The following TICAM1 variants were observed in gnomAD, a reference collection of about 807,000 sequenced individuals.
TICAM1 encodes the protein TIR domain-containing adapter molecule 1.
For synonymous variants in TICAM1, 439 were observed against 415.4 expected (o/e 1.06, Z -0.69); for missense variants, 895 against 938.2 (o/e 0.95, Z 0.60).
In TICAM1 at chr19:4,816,844, G is replaced by A. The variant is rs765491561; in HGVS notation, c.1534C>T (p.Arg512Trp). 6 of 1,612,408 alleles carry A rather than the reference G, an allele frequency of 3.7e-6. No individual in the cohort carries two copies. Among genetic ancestry groups the A allele is most frequent in the Non-Finnish European group, 5.1e-6 (6 of 1,180,024 alleles). ...DTASLLSGLV[R>W]LDEHSQIFAR... The stretch of plus-strand genomic sequence containing the variant: ...AAGATCTGGGAGTGTTCGTCCAGCC[G>A]CACCAGCCCGGAGAGCAGGCTGGCC... Residue 512 changes from arginine to tryptophan, a missense_variant, in exon 2 of 2, where the codon CGG (arginine) becomes TGG (tryptophan). Arg to Trp is a moderately radical substitution (Grantham distance 101, BLOSUM62 -3). Transcript: ENST00000248244. The surrounding 1 kb of genome is among the most constrained non-coding windows in gnomAD (Gnocchi z 4.3).
At chr19:4,826,203 G>A (rs921972267) in intron 1 of TICAM1, among the ~76,000 whole-genome samples, 3 of 151,486 alleles carry the variant, frequency 2.0e-5, no homozygotes, top group East Asian at 1.9e-4. Context: ...TGCCTCATTC[G>A]TAATGGAACA....
chr19:4,824,614 C>G (rs1197073202), intron 1 of TICAM1, among the ~76,000 whole-genome samples: 1 of 144,226 alleles, frequency 6.9e-6, no homozygotes, highest in Non-Finnish European at 1.5e-5. Context: ...GGATTACAGG[C>G]GTGAGCCACC....
intron 1 of TICAM1, among the ~76,000 whole-genome samples, chr19:4,824,855 C>G (rs1428372788): frequency 6.6e-6 from 1 of 151,918 alleles, no homozygotes; most frequent in African/African-American, 2.4e-5. Context: ...ATCACCTGAA[C>G]CCAAGAAGTC....
rs1241108091 is a variant in TICAM1, at chr19:4,817,267, G to C, written c.1111C>G (p.Pro371Ala). The change falls in exon 2 of 2, where the codon CCT becomes GCT. Residue 371 changes from proline to alanine, a missense_variant. By Grantham distance (27) the Pro-to-Ala change is conservative. Coordinates refer to ENST00000248244, the MANE Select transcript of TICAM1 (RefSeq NM_182919.4). The surrounding 1 kb of genome is among the most constrained non-coding windows in gnomAD (Gnocchi z 4.7). ...PPPPPPPSST[P>A]CSAHLTPSSL... ...GAGGGGGTCAGGTGAGCTGAACAAG[G>C]AGTAGATGAAGGAGGAGGAGGAGGA... The C allele has an allele frequency of 3.7e-6, 6 of 1,608,070 alleles. No homozygotes were observed. The Admixed American group carries it at 8.4e-5, about 22-fold the overall frequency.
At chr19:4,825,559 G>A (rs2146178864) in intron 1 of TICAM1, among the ~76,000 whole-genome samples, 1 of 152,118 alleles carries the variant, frequency 6.6e-6, no homozygotes, top group South Asian at 2.1e-4. Context: ...AGGGTGCAGT[G>A]GCTCATGCCT....
intron 1 of TICAM1, among the ~76,000 whole-genome samples, chr19:4,824,034 A>T (rs575942066): frequency 2.0e-5 from 3 of 151,490 alleles, no homozygotes; most frequent in African/African-American, 7.3e-5. Flanking sequence ...TTTAGGATGA[A>T]GTCTTGCTCT....
At chr19:4,821,433 A>C (rs2093597290) in intron 1 of TICAM1, among the ~76,000 whole-genome samples, 1 of 152,132 alleles carries the variant, frequency 6.6e-6, no homozygotes, top group Non-Finnish European at 1.5e-5. Context: ...GGCTTACTAC[A>C]TGCTATATTG....
In TICAM1 at chr19:4,817,714, G is replaced by T; in HGVS notation, c.664C>A (p.Arg222Ser). The T allele has an allele frequency of 6.3e-7, 1 of 1,598,686 alleles. No individual in the cohort carries two copies. Residue 222 changes from arginine to serine, a missense_variant, in exon 2 of 2, where the codon CGC becomes AGC. By Grantham distance (110) the Arg-to-Ser change is moderately radical. Coordinates refer to ENST00000248244, the MANE Select transcript of TICAM1 (RefSeq NM_182919.4). This position sits in a 1 kb window ranked among gnomAD's most constrained non-coding sequence, Gnocchi z 4.7. ...AGCTTGCTGGGCCCATGTGGGCTGC[G>T]GTGCAGGCTGAGGAAGGGCATGGTA... ...SPTMPFLSLH[R>S]SPHGPSKLCD...
In TICAM1 at chr19:4,817,693, T is replaced by C; in HGVS notation, c.685A>G (p.Lys229Glu). Reference sequence around the variant, plus strand: ...CTGGCCTGGGGGTCGTCACAGAGCTTGCTGGGCCCATGTGGGCTGCGGTGC... The same window carrying C: ...CTGGCCTGGGGGTCGTCACAGAGCTCGCTGGGCCCATGTGGGCTGCGGTGC... ...SLHRSPHGPSKLCDDPQASLV... is the reference protein window; with the variant it reads ...SLHRSPHGPSELCDDPQASLV... Residue 229 changes from lysine (K) to glutamate (E), a missense_variant, in exon 2 of 2, where the codon AAG (lysine) becomes GAG (glutamate). Coordinates refer to ENST00000248244, the MANE Select transcript of TICAM1 (RefSeq NM_182919.4). The surrounding 1 kb of genome is among the most constrained non-coding windows in gnomAD (Gnocchi z 4.7). 6.3e-7 allele frequency: 1 copy of C among 1,589,822 alleles called. No individual in the cohort carries two copies. The highest frequency in any genetic ancestry group is 8.6e-7 in the Non-Finnish European group (1 of 1,169,120).
chr19:4,820,442 G>A (rs1007633598), intron 1 of TICAM1, among the ~76,000 whole-genome samples: 2 of 150,832 alleles, frequency 1.3e-5, no homozygotes, highest in African/African-American at 4.9e-5. Flanking sequence ...AAAAAGTTTG[G>A]AGCCAGGCCT....
rs781426719 is a variant in TICAM1, at chr19:4,816,546, C to T, written c.1832G>A (p.Gly611Asp). 1.1e-5 allele frequency: 17 copies of T among 1,605,370 alleles called. No individual in the cohort carries two copies. The Admixed American group carries it at 2.7e-4, about 26-fold the overall frequency. Residue 611 changes from glycine to aspartate, a missense_variant, in exon 2 of 2, where the codon GGC (glycine) becomes GAC (aspartate). By Grantham distance (94) the Gly-to-Asp change is moderately conservative (BLOSUM62 -1). Coordinates refer to ENST00000248244, the MANE Select transcript of TICAM1 (RefSeq NM_182919.4). This position sits in a 1 kb window ranked among gnomAD's most constrained non-coding sequence, Gnocchi z 4.3. Reference protein sequence around the residue: ...APYGARMPFGGQVPLGAPPPF... With the variant: ...APYGARMPFGDQVPLGAPPPF... ...TGGCGGGGCTCCCAGGGGCACCTGG[C>T]CCCCAAAGGGCATTCGAGCCCCATA... is the stretch of plus-strand genomic sequence containing the variant.
chr19:4,818,580 C>A lies in TICAM1; in HGVS notation c.-139-64G>T. ...GAAAGGTCAGCACGGGAAGGCGGCC[C>A]ACACACCCCCGCCTGCTTTCCCCGC... On this transcript the variant is annotated intron_variant, in intron 1 of 1. Coordinates refer to ENST00000248244, the MANE Select transcript of TICAM1 (RefSeq NM_182919.4). This position sits in a 1 kb window ranked among gnomAD's most constrained non-coding sequence, Gnocchi z 4.0. 1 of 1,150,532 alleles carries A rather than the reference C, an allele frequency of 8.7e-7. No homozygotes were observed. Among genetic ancestry groups the A allele is most frequent in the Non-Finnish European group, 1.2e-6 (1 of 859,954 alleles). The allele number at this position is 1,150,532 out of a possible 1,614,324, so 71.3% of individuals were successfully genotyped here.
intron 1 of TICAM1, among the ~76,000 whole-genome samples, chr19:4,829,466 A>G (rs1181817828): frequency 7.8e-6 from 1 of 127,794 alleles, no homozygotes; most frequent in Non-Finnish European, 1.5e-5. Context: ...CTCACTGTCC[A>G]TGGCTGGGAC....
chr19:4,827,004 AAATAAT>A (rs139949265), intron 1 of TICAM1, among the ~76,000 whole-genome samples: 3 of 150,260 alleles, frequency 2.0e-5, no homozygotes, highest in Non-Finnish European at 4.4e-5. Flanking sequence ...TAATCTTAGG[AAATAAT>A]AATAATAATA....
At chr19:4,829,078 G>T (rs1033908754) in intron 1 of TICAM1, among the ~76,000 whole-genome samples, 3 of 151,972 alleles carry the variant, frequency 2.0e-5, no homozygotes, top group African/African-American at 7.3e-5. Flanking sequence ...CAATCGATCC[G>T]CCTGCCTTGG....
At position 4,816,639 on chromosome 19, in the gene TICAM1, T is replaced by C. The variant is rs146025102; in HGVS notation, c.1739A>G (p.Tyr580Cys). 1.5e-5 allele frequency: 25 copies of C among 1,614,154 alleles called. No individual in the cohort carries two copies. Among genetic ancestry groups the C allele is most frequent in the Middle Eastern group, 3.3e-4 (2 of 6,034 alleles). Reference protein sequence around the residue: ...YSAYLQSYLSYQAQMEQLQVA... With the variant: ...YSAYLQSYLSCQAQMEQLQVA... ...CTGGAGCTGCTCCATCTGTGCCTGG[T>C]AGGACAAGTAGCTCTGGAGGTAGGC... The change falls in exon 2 of 2, where the codon TAC becomes TGC. Residue 580 changes from tyrosine (Y) to cysteine (C), a missense_variant. Coordinates refer to ENST00000248244, the MANE Select transcript of TICAM1 (RefSeq NM_182919.4). This position sits in a 1 kb window ranked among gnomAD's most constrained non-coding sequence, Gnocchi z 4.3.
rs750634396 is a variant in TICAM1 at position 4,816,936 on chromosome 19, C to G, written c.1442G>C (p.Gly481Ala). 22 of 1,613,844 alleles carry G rather than the reference C, an allele frequency of 1.4e-5. No homozygotes were observed. Among genetic ancestry groups the G allele is most frequent in the Non-Finnish European group, 1.6e-5 (19 of 1,180,050 alleles). ...GAAGGGGATGACACAGTCTGGCGAC[C>G]CCTGTCGCGTGAGGTTGCTCATCAT... ...QAMMSNLTRQ[G>A]SPDCVIPFLP... The change falls in exon 2 of 2, where the codon GGG (glycine) becomes GCG (alanine). Residue 481 changes from glycine (G) to alanine (A), a missense_variant. Physicochemically the swap from Gly to Ala is moderately conservative, Grantham distance 60 (BLOSUM62 0). Transcript: ENST00000248244. The surrounding 1 kb of genome is among the most constrained non-coding windows in gnomAD (Gnocchi z 4.3).
rs559712490 is a variant in TICAM1 at position 4,826,316 on chromosome 19, T to C, written c.-140+5298A>G. On this transcript the variant is annotated intron_variant, in intron 1 of 1. Transcript: ENST00000248244. ...TGTATTATTAGGAGATATATATATA[T>C]ATTTATTTATTTATTTATATATTTT... is the stretch of plus-strand genomic sequence containing the variant. Among the ~76,000 whole-genome samples, 572 of 101,190 alleles carry C rather than the reference T, an allele frequency of 5.7e-3. 5 individuals carry two copies. The highest frequency in any genetic ancestry group is 0.037 in the African/African-American group (548 of 14,620). 66.4% of individuals were successfully genotyped at this position (101,190 alleles called of 152,430 possible).
At position 4,818,899 on chromosome 19, in the gene TICAM1, C is replaced by T. The variant is rs11466714; in HGVS notation, c.-139-383G>A. The stretch of plus-strand genomic sequence containing the variant: ...CCGAGGCGGGGGGATCACCTGAGGT[C>T]AGGAGTTCGAGACCAGCCTGGCCAA... On this transcript the variant is annotated intron_variant, in intron 1 of 1. Coordinates refer to ENST00000248244, the MANE Select transcript of TICAM1 (RefSeq NM_182919.4). This position sits in a 1 kb window ranked among gnomAD's most constrained non-coding sequence, Gnocchi z 4.0. Among the ~76,000 whole-genome samples, 710 of 152,222 alleles carry T rather than the reference C, an allele frequency of 4.7e-3. 4 individuals are homozygous for T. The highest frequency in any genetic ancestry group is 0.016 in the African/African-American group (673 of 41,530).
Sources: gnomAD v4.1 joint callset for allele counts (sites outside exome capture counted in the v4.1 genomes callset) on GRCh38, gnomAD v4.1.1 for gene constraint, Gnocchi (gnomAD v3.1) non-coding constraint, MANE v1.5 for transcripts, NCBI Gene and HGNC (gene_info 2026-07-23, HGNC 2026-07-21) for gene names.